Variants in NRP1 observed in about 807,000 individuals in gnomAD.
NRP1 encodes the protein neuropilin 1, also known as neuropilin-1.
A neutral mutation model predicts 106.7 loss-of-function variants in NRP1; 35 were observed. That is an observed-to-expected ratio of 0.33 (90% CI 0.25 to 0.43). The LOEUF (loss-of-function observed/expected upper bound fraction) is 0.43, where lower values mean the gene tolerates loss of function less well. Among genes scored for constraint, NRP1 ranks in the 20% least tolerant of loss-of-function variants. The probability of loss-of-function intolerance (pLI) is 1.00; values close to 1 mark genes in which losing one functional copy is unlikely to be tolerated. For missense variants in NRP1, 1,024 were observed against 1,170.4 expected (o/e 0.87, Z 1.83); for synonymous variants, 437 against 417.9 (o/e 1.05, Z -0.56).
At chr10:33,221,353 C>G (rs1467514281) in intron 8 of NRP1, among the ~76,000 whole-genome samples, 1 of 152,180 alleles carries the variant, frequency 6.6e-6, no homozygotes, top group Non-Finnish European at 1.5e-5. Context: ...AGCTTACAGT[C>G]TAGTGGAAAA....
At position 33,260,323 on chromosome 10, in the gene NRP1, G is replaced by GA. The variant is rs527624623; in HGVS notation, c.658+3322dup. Among the ~76,000 whole-genome samples, 459 of 152,096 alleles carry GA rather than the reference G, an allele frequency of 3.0e-3. 2 individuals are homozygous for GA. Among genetic ancestry groups the GA allele is most frequent in the African/African-American group, 0.01 (433 of 41,476 alleles). Reference sequence around the variant, plus strand: ...AAATACATTTTGTAGCTTTTCCCCAGAAAAAATCTGGCATTTTATATCTAT... The same window carrying GA: ...AAATACATTTTGTAGCTTTTCCCCAGAAAAAAATCTGGCATTTTATATCTAT... On this transcript the variant is annotated intron_variant, in intron 4 of 16. Coordinates refer to ENST00000374867, the MANE Select transcript of NRP1 (RefSeq NM_003873.7).
At chr10:33,231,228 T>G (rs1840103553) in intron 6 of NRP1, among the ~76,000 whole-genome samples, 1 of 152,202 alleles carries the variant, frequency 6.6e-6, no homozygotes, top group Non-Finnish European at 1.5e-5. Context: ...CTGTTTTTGC[T>G]GTACCTCCTT....
At chr10:33,207,451 G>C (rs756010095) in intron 10 of NRP1, 121 bp downstream of exon 10, 10 of 1,037,074 alleles carry the variant, frequency 9.6e-6, no homozygotes. Context: ...GGCAGGCACC[G>C]AGATAAGGGG....
intron 8 of NRP1, 39 bp downstream of exon 8, chr10:33,221,680 C>T (rs1483868464): frequency 3.1e-5 from 49 of 1,589,358 alleles, no homozygotes; most frequent in South Asian, 7.8e-5. Flanking sequence ...AGACAATCTT[C>T]GACTTGGAAG....
chr10:33,263,885 A>G lies in NRP1; in HGVS notation c.431-12T>C. The G allele has an allele frequency of 6.5e-7, 1 of 1,540,286 alleles. No individual in the cohort carries two copies. Among genetic ancestry groups the G allele is most frequent in the Non-Finnish European group, 9.0e-7 (1 of 1,114,040 alleles). On this transcript the variant is annotated splice_polypyrimidine_tract_variant and intron_variant, in intron 3 of 16. Coordinates refer to ENST00000374867, the MANE Select transcript of NRP1 (RefSeq NM_003873.7). ...GGAACATTCAGGACCTATGAGTAGA[A>G]GAGAAAAAGGAGTAAAGTGAAAATC...
At chr10:33,246,116 T>C (rs918561124) in intron 6 of NRP1, among the ~76,000 whole-genome samples, 21 of 148,964 alleles carry the variant, frequency 1.4e-4, no homozygotes, top group African/African-American at 4.9e-4. Flanking sequence ...CAAAATCATA[T>C]TGGTAATTTC....
intron 12 of NRP1, chr10:33,194,380 G>A (rs2506150): frequency 0.46 from 82,115 of 176,690 alleles, 20,527 homozygotes; most frequent in East Asian, 0.75. Context: ...AGTTCTGCCT[G>A]TATTTACTTT....
At chr10:33,322,968 T>C (rs1476287998) in intron 2 of NRP1, among the ~76,000 whole-genome samples, 1 of 152,200 alleles carries the variant, frequency 6.6e-6, no homozygotes, top group Non-Finnish European at 1.5e-5. Context: ...ATTTGGGTTC[T>C]GTTCATATGA....
intron 2 of NRP1, among the ~76,000 whole-genome samples, chr10:33,328,620 T>A (rs577636385): frequency 5.3e-5 from 8 of 152,302 alleles, no homozygotes; most frequent in Admixed American, 2.0e-4. Flanking sequence ...CTACTCCAGT[T>A]GTGTGCTGGA....
chr10:33,188,629 C>CA (rs1480637803), intron 13 of NRP1, among the ~76,000 whole-genome samples: 4 of 151,986 alleles, frequency 2.6e-5, no homozygotes, highest in African/African-American at 9.7e-5. Flanking sequence ...GTAATCCCAG[C>CA]ACTTTGGGAA....
intron 2 of NRP1, among the ~76,000 whole-genome samples, chr10:33,275,581 A>G (rs1220438104): frequency 6.6e-6 from 1 of 151,822 alleles, no homozygotes; most frequent in Admixed American, 6.6e-5. Flanking sequence ...CAAACAAACG[A>G]AAACAACACC....
At chr10:33,196,303 GT>G (rs1462560332) in intron 12 of NRP1, among the ~76,000 whole-genome samples, 1 of 152,074 alleles carries the variant, frequency 6.6e-6, no homozygotes, top group Non-Finnish European at 1.5e-5. Context: ...CAGCTAAAAT[GT>G]TTGTTATATG....
At chr10:33,239,287 CAA>C (rs112414592) in intron 6 of NRP1, among the ~76,000 whole-genome samples, 28 of 144,468 alleles carry the variant, frequency 1.9e-4, no homozygotes, top group East Asian at 1.0e-3. Context: ...GACCCTGTCT[CAA>C]AAAAAAAAAA....
At chr10:33,197,748 CAGT>C in intron 11 of NRP1, 39 bp from the exon 12 acceptor site, 1 of 1,293,266 alleles carries the variant, frequency 7.7e-7, no homozygotes, top group East Asian at 2.3e-5. Flanking sequence ...AATAAGAAAA[CAGT>C]AGCGAATATG....
At chr10:33,223,033 G>C (rs934305155) in intron 7 of NRP1, among the ~76,000 whole-genome samples, 5 of 152,316 alleles carry the variant, frequency 3.3e-5, no homozygotes, top group African/African-American at 9.6e-5. Flanking sequence ...CTTGGGTTGG[G>C]AACAGCCCGT....
chr10:33,231,807 A>T (rs1840158365), intron 6 of NRP1, among the ~76,000 whole-genome samples: 1 of 152,180 alleles, frequency 6.6e-6, no homozygotes, highest in Admixed American at 6.5e-5. Flanking sequence ...GCTATGGGGG[A>T]TAAACAGTAG....
At chr10:33,299,133 C>A (rs1266243549) in intron 2 of NRP1, among the ~76,000 whole-genome samples, 5 of 152,210 alleles carry the variant, frequency 3.3e-5, no homozygotes, top group Admixed American at 3.3e-4. Context: ...AGTGTCTAAC[C>A]CTGGCTCTGT....
At chr10:33,320,629 T>G (rs1847431576) in intron 2 of NRP1, among the ~76,000 whole-genome samples, 1 of 152,214 alleles carries the variant, frequency 6.6e-6, no homozygotes. Context: ...CTCTTCTCCA[T>G]ATGACCTACT....
At chr10:33,243,121 A>G (rs7920530) in intron 6 of NRP1, among the ~76,000 whole-genome samples, 1,987 of 152,252 alleles carry the variant, frequency 0.013, 35 homozygotes, top group African/African-American at 0.045. Flanking sequence ...ACTTTCTTAC[A>G]AGATAGCACA....
Sources: allele counts gnomAD v4.1 joint callset (sites outside exome capture counted in the v4.1 genomes callset), GRCh38; gene constraint gnomAD v4.1.1; transcripts MANE v1.5; gene names NCBI Gene and HGNC (gene_info 2026-07-23, HGNC 2026-07-21).